The following RPS6KC1 variants were observed in gnomAD, a reference collection of about 807,000 sequenced individuals.
The protein encoded by RPS6KC1 is inactive ribosomal protein S6 kinase delta-1.
In RPS6KC1, 54 loss-of-function variants were observed where a neutral mutation model predicts 103.8. The ratio of observed to expected loss-of-function variants is 0.52; its 90% CI spans 0.42 to 0.65. The LOEUF is 0.65. Among genes scored for constraint, RPS6KC1 ranks in the 30% least tolerant of loss-of-function variants. The pLI, the probability that RPS6KC1 is intolerant of heterozygous loss-of-function variation, is 0.00. For missense variants in RPS6KC1, 1,151 were observed against 1,253.8 expected (o/e 0.92, Z 1.24); for synonymous variants, 439 against 438.7 (o/e 1.00, Z -0.01).
chr1:213,834,365 C>T, the RPS6KC1 span, among the ~76,000 whole-genome samples: 1 of 152,162 alleles, frequency 6.6e-6, no homozygotes, highest in Admixed American at 6.5e-5. Flanking sequence ...CACCACAATG[C>T]TGGGACAAGT....
In RPS6KC1 at chr1:213,242,301, A is replaced by C; in HGVS notation, c.2821+4A>C. 6.2e-7 allele frequency: 1 copy of C among 1,613,444 alleles called. No homozygotes were observed. The highest frequency in any genetic ancestry group is 8.5e-7 in the Non-Finnish European group (1 of 1,179,610). On this transcript the variant is annotated splice_donor_region_variant and intron_variant, in intron 11 of 14. Transcript: ENST00000366960. Reference sequence around the variant, plus strand: ...AACATCTTATTGAATGATAGAGGTCAGGAACTTTTGCAAATGCATTTCTTT... The same window carrying C: ...AACATCTTATTGAATGATAGAGGTCCGGAACTTTTGCAAATGCATTTCTTT...
chr1:213,735,387 C>T, the RPS6KC1 span, among the ~76,000 whole-genome samples: 1 of 152,144 alleles, frequency 6.6e-6, no homozygotes, highest in Non-Finnish European at 1.5e-5. Flanking sequence ...CTGCCAACTC[C>T]CATGTTCTGT....
At chr1:213,085,613 A>G (rs367917171) in intron 3 of RPS6KC1, among the ~76,000 whole-genome samples, 5 of 152,202 alleles carry the variant, frequency 3.3e-5, no homozygotes, top group South Asian at 4.1e-4. Context: ...TGATTTTCCA[A>G]TTCCTGTACC....
At chr1:213,699,203 C>A in the RPS6KC1 span, among the ~76,000 whole-genome samples, 1 of 152,036 alleles carries the variant, frequency 6.6e-6, no homozygotes, top group Non-Finnish European at 1.5e-5. Flanking sequence ...TTCCCTCACA[C>A]CTCACCCCAC....
At chr1:213,456,593 GGA>G in the RPS6KC1 span, among the ~76,000 whole-genome samples, 4 of 152,148 alleles carry the variant, frequency 2.6e-5, no homozygotes, top group Non-Finnish European at 5.9e-5. Flanking sequence ...CTAGCTGGGT[GGA>G]TTGAGGAGTA....
chr1:213,816,195 GT>G, the RPS6KC1 span, among the ~76,000 whole-genome samples: 1 of 152,232 alleles, frequency 6.6e-6, no homozygotes, highest in East Asian at 1.9e-4. Context: ...TAATAATAAG[GT>G]GTGAAATATT....
rs780540455 is a variant in RPS6KC1 at position 213,229,022 on chromosome 1, G to A, written c.1045-1475G>A. On this transcript the variant is annotated intron_variant, in intron 8 of 14. Coordinates refer to ENST00000366960, the MANE Select transcript of RPS6KC1 (RefSeq NM_012424.6). ...GACAGTTCAGAGTAACTTAGACCAC[G>A]TTTAGTTTCAGAGCATGCATGGAAG... 7.9e-5 allele frequency among the ~76,000 whole-genome samples: 12 copies of A among 152,298 alleles called. 2 individuals are homozygous for A. In the South Asian group the frequency reaches 1.4e-3, roughly 18 times the overall value.
chr1:213,137,777 C>CTCTA (rs1387641875), intron 6 of RPS6KC1, among the ~76,000 whole-genome samples: 11 of 63,586 alleles, frequency 1.7e-4, no homozygotes, highest in African/African-American at 8.5e-4. Context: ...CTCTCTCTCT[C>CTCTA]TATATATATA....
chr1:213,478,843 C>G, the RPS6KC1 span, among the ~76,000 whole-genome samples: 2 of 151,934 alleles, frequency 1.3e-5, no homozygotes, highest in African/African-American at 4.8e-5. Flanking sequence ...GTTTAAATCC[C>G]CTATAGTTTC....
At chr1:213,128,064 T>C (rs990655469) in intron 5 of RPS6KC1, among the ~76,000 whole-genome samples, 4 of 152,202 alleles carry the variant, frequency 2.6e-5, no homozygotes, top group Non-Finnish European at 5.9e-5. Context: ...CAAAGAACAA[T>C]ATTCATAATT....
At chr1:213,629,121 C>G in the RPS6KC1 span, among the ~76,000 whole-genome samples, 1 of 152,158 alleles carries the variant, frequency 6.6e-6, no homozygotes, top group Non-Finnish European at 1.5e-5. Flanking sequence ...GAGCTGAGTT[C>G]AATTCCTGGG....
chr1:213,309,214 G>T, the RPS6KC1 span, among the ~76,000 whole-genome samples: 1 of 152,212 alleles, frequency 6.6e-6, no homozygotes, highest in South Asian at 2.1e-4. Flanking sequence ...AGAATCACTT[G>T]AACCTGGGAG....
chr1:213,216,645 A>G (rs1436284021), intron 8 of RPS6KC1, among the ~76,000 whole-genome samples: 1 of 152,238 alleles, frequency 6.6e-6, no homozygotes, highest in Non-Finnish European at 1.5e-5. Context: ...AGCAAATGTA[A>G]AAGAACAGAA....
chr1:213,204,620 C>CTTTTT (rs35617516), intron 8 of RPS6KC1, among the ~76,000 whole-genome samples: 3 of 127,656 alleles, frequency 2.4e-5, no homozygotes, highest in African/African-American at 5.9e-5. Context: ...TTAATTGTCA[C>CTTTTT]TTTTTTTTTT....
In RPS6KC1 at chr1:213,064,489, T is replaced by G. The variant is rs556521706; in HGVS notation, c.106-6517T>G. ...TTCAAGCGATTCTCCTGCCTCAGTC[T>G]CCCTAGTAGCTGGGATTATAGGTGG... On this transcript the variant is annotated intron_variant, in intron 1 of 14. Transcript: ENST00000366960. 1.9e-4 allele frequency among the ~76,000 whole-genome samples: 29 copies of G among 151,790 alleles called. No homozygotes were observed. The South Asian group carries it at 2.9e-3, about 15-fold the overall frequency.
the RPS6KC1 span, among the ~76,000 whole-genome samples, chr1:213,471,235 A>G: frequency 6.6e-6 from 1 of 152,288 alleles, no homozygotes; most frequent in Middle Eastern, 3.4e-3. Context: ...TCTTTCTGGT[A>G]TAACTAGAGG....
the RPS6KC1 span, among the ~76,000 whole-genome samples, chr1:213,452,993 A>G: frequency 6.6e-6 from 1 of 152,130 alleles, no homozygotes; most frequent in Non-Finnish European, 1.5e-5. Flanking sequence ...CCCTGCTAAC[A>G]TGCTGGTGTG....
In RPS6KC1 at chr1:213,261,444, G is replaced by A. The variant is rs2094793731; in HGVS notation, c.2912-114G>A. The A allele has an allele frequency of 1.0e-5, 9 of 887,332 alleles. No individual in the cohort carries two copies. In the South Asian group the frequency reaches 1.2e-4, roughly 12 times the overall value. The allele number at this position is 887,332 out of a possible 1,614,324, so 55.0% of individuals were successfully genotyped here. A position where few individuals can be genotyped will look rare whatever the true frequency, so the allele number is the denominator to read the frequency against. ...TTTCAGGAATTTTGAAAGCCCAGTA[G>A]TATTTAGTATATGCTCTCTCAGCAT... is the stretch of plus-strand genomic sequence containing the variant. On this transcript the variant is annotated intron_variant, in intron 12 of 14. Transcript: ENST00000366960.
chr1:213,276,217 C>A (rs1172479497), downstream of RPS6KC1, among the ~76,000 whole-genome samples: 1 of 152,168 alleles, frequency 6.6e-6, no homozygotes, highest in East Asian at 1.9e-4. Context: ...CTGACTAGAG[C>A]CCTGAGATTC....
Sources: gnomAD v4.1 joint callset for allele counts (sites outside exome capture counted in the v4.1 genomes callset) on GRCh38, gnomAD v4.1.1 for gene constraint, MANE v1.5 for transcripts, NCBI Gene and HGNC (gene_info 2026-07-23, HGNC 2026-07-21) for gene names.